The following C1orf94 variants were observed in gnomAD, a reference collection of about 807,000 sequenced individuals.
C1orf94 encodes the protein uncharacterized protein C1orf94.
A neutral mutation model predicts 53.6 loss-of-function variants in C1orf94; 45 were observed. The ratio of observed to expected loss-of-function variants is 0.84; its 90% CI spans 0.66 to 1.08. The LOEUF is 1.08. C1orf94 is among the 50% of genes least tolerant of loss of function. The pLI is 0.00. For synonymous variants in C1orf94, 304 were observed against 296.1 expected, an observed-to-expected ratio of 1.03 and a Z score of -0.27; for missense variants, 762 against 738.9, an observed-to-expected ratio of 1.03 and a Z score of -0.36.
intron 4 of C1orf94, among the ~76,000 whole-genome samples, chr1:34,203,911 C>G (rs1448047861): frequency 6.6e-6 from 1 of 152,160 alleles, no homozygotes; most frequent in African/African-American, 2.4e-5. Context: ...TTAGGTAGAA[C>G]TCAATTTTTT....
At chr1:34,204,764 T>G (rs535485450) in intron 4 of C1orf94, among the ~76,000 whole-genome samples, 9 of 152,122 alleles carry the variant, frequency 5.9e-5, no homozygotes, top group Non-Finnish European at 1.2e-4. Flanking sequence ...TGTGGTGGCA[T>G]GTGCCTGGAG....
intron 4 of C1orf94, among the ~76,000 whole-genome samples, chr1:34,202,702 G>T (rs1401377884): frequency 1.3e-5 from 2 of 152,144 alleles, no homozygotes; most frequent in Non-Finnish European, 2.9e-5. Context: ...ATATATCCCA[G>T]ATTATTTGGG....
intron 5 of C1orf94, among the ~76,000 whole-genome samples, chr1:34,208,494 C>A (rs1642836775): frequency 6.6e-6 from 1 of 152,224 alleles, no homozygotes; most frequent in Admixed American, 6.5e-5. Flanking sequence ...CTAATTTAGC[C>A]TTCAAAATTA....
chr1:34,190,700 A>G (rs575032281), intron 1 of C1orf94, among the ~76,000 whole-genome samples: 1 of 152,338 alleles, frequency 6.6e-6, no homozygotes, highest in African/African-American at 2.4e-5. Context: ...AGGCATTGGA[A>G]CGAGATTGCC....
intron 4 of C1orf94, 80 bp from the exon 5 acceptor site, chr1:34,208,077 C>T: frequency 7.2e-7 from 1 of 1,398,334 alleles, no homozygotes; most frequent in Non-Finnish European, 1.0e-6. Context: ...TCAGTCCTGT[C>T]TGGGAACTGA....
At chr1:34,194,223 G>A (rs1032888796) in intron 1 of C1orf94, among the ~76,000 whole-genome samples, 6 of 152,188 alleles carry the variant, frequency 3.9e-5, no homozygotes, top group Non-Finnish European at 5.9e-5. Flanking sequence ...AGCATTTCTC[G>A]AGGGCCCACT....
chr1:34,182,886 G>A (rs980588952), intron 1 of C1orf94, among the ~76,000 whole-genome samples: 6 of 152,144 alleles, frequency 3.9e-5, no homozygotes, highest in African/African-American at 7.2e-5. Flanking sequence ...CGGCAAAAGG[G>A]TGTAGAGAAG....
At chr1:34,194,752 G>A (rs962073489) in intron 1 of C1orf94, among the ~76,000 whole-genome samples, 4 of 152,112 alleles carry the variant, frequency 2.6e-5, no homozygotes, top group African/African-American at 9.7e-5. Context: ...ACTCTTTGTT[G>A]TTGTTAGGCA....
At chr1:34,169,639 G>GAGAGAGA (rs1333033191) in intron 1 of C1orf94, among the ~76,000 whole-genome samples, 1 of 142,868 alleles carries the variant, frequency 7.0e-6, no homozygotes, top group Non-Finnish European at 1.5e-5. Flanking sequence ...GAGAGAGTGA[G>GAGAGAGA]CAAATGGGAG....
At chr1:34,218,205 A>G (rs1643021402) in intron 6 of C1orf94, among the ~76,000 whole-genome samples, 1 of 152,128 alleles carries the variant, frequency 6.6e-6, no homozygotes, top group African/African-American at 2.4e-5. Context: ...GGCCTGATTT[A>G]GCTTAGTGCT....
In C1orf94 at chr1:34,199,451, C is replaced by A. The variant is rs184408904; in HGVS notation, c.1010-1321C>A. Among the ~76,000 whole-genome samples the A allele has an allele frequency of 1.5e-3, 228 of 152,334 alleles. 1 individual carries two copies. Among genetic ancestry groups the A allele is most frequent in the Non-Finnish European group, 2.6e-3 (174 of 68,034 alleles). Reference sequence around the variant, plus strand: ...CCTTCTAAATTGGCTCAGGCTAGAGCAGCTCTTTCCTTTGCTGGAATAGTG... The same window carrying A: ...CCTTCTAAATTGGCTCAGGCTAGAGAAGCTCTTTCCTTTGCTGGAATAGTG... On this transcript the variant is annotated intron_variant, in intron 2 of 6. Transcript: ENST00000488417.
chr1:34,179,759 T>C (rs1642285467), intron 1 of C1orf94, among the ~76,000 whole-genome samples: 1 of 152,334 alleles, frequency 6.6e-6, no homozygotes, highest in South Asian at 2.1e-4. Flanking sequence ...GTTTTTGTTG[T>C]TGTTGGCTTC....
intron 1 of C1orf94, among the ~76,000 whole-genome samples, chr1:34,196,152 G>T (rs1261316921): frequency 2.0e-5 from 3 of 152,164 alleles, no homozygotes; most frequent in Admixed American, 1.3e-4. Flanking sequence ...TGTCCTCCTG[G>T]GTGCCTGCTT....
chr1:34,200,634 T>C (rs1412473334), intron 2 of C1orf94, 138 bp from the exon 3 acceptor site: 6 of 1,198,460 alleles, frequency 5.0e-6, no homozygotes, highest in Non-Finnish European at 7.1e-6. Context: ...TGTATTTGGC[T>C]GAAAGAGAGT....
chr1:34,186,823 A>G (rs1360399086), intron 1 of C1orf94, among the ~76,000 whole-genome samples: 2 of 152,230 alleles, frequency 1.3e-5, no homozygotes, highest in Non-Finnish European at 2.9e-5. Context: ...GCCTTGTGGC[A>G]ACAATTCCTC....
At chr1:34,167,609 C>A (rs1006826262) in intron 1 of C1orf94, among the ~76,000 whole-genome samples, 6 of 150,538 alleles carry the variant, frequency 4.0e-5, no homozygotes, top group Non-Finnish European at 7.4e-5. Flanking sequence ...TTTCACTGAG[C>A]GCCTCCTGTG....
At chr1:34,207,929 T>C (rs1337691743) in intron 4 of C1orf94, among the ~76,000 whole-genome samples, 1 of 152,150 alleles carries the variant, frequency 6.6e-6, no homozygotes, top group African/African-American at 2.4e-5. Context: ...GAAGCTCCTG[T>C]CTCCCACACT....
At chr1:34,168,892 TG>T (rs549937441) in intron 1 of C1orf94, among the ~76,000 whole-genome samples, 7 of 152,050 alleles carry the variant, frequency 4.6e-5, no homozygotes, top group African/African-American at 1.2e-4. Flanking sequence ...TGAATTTGGG[TG>T]GGGGGGCACA....
chr1:34,193,608 C>G (rs185094652), intron 1 of C1orf94, among the ~76,000 whole-genome samples: 1 of 152,182 alleles, frequency 6.6e-6, no homozygotes. Flanking sequence ...CCAGCCAAGT[C>G]CCTACATCAG....
Sources: gnomAD v4.1 joint callset for allele counts (sites outside exome capture counted in the v4.1 genomes callset) on GRCh38, gnomAD v4.1.1 for gene constraint, MANE v1.5 for transcripts, NCBI Gene and HGNC (gene_info 2026-07-23, HGNC 2026-07-21) for gene names.